The following DCAF12 variants were observed in gnomAD, a reference collection of about 807,000 sequenced individuals.
DCAF12 encodes the protein DDB1- and CUL4-associated factor 12.
DCAF12 carries 28 observed loss-of-function variants against 52.8 expected under a neutral mutation model. That is an observed-to-expected ratio of 0.53 (90% CI 0.39 to 0.73). The LOEUF (loss-of-function observed/expected upper bound fraction) is 0.73. Among genes scored for constraint, DCAF12 ranks in the 30% least tolerant of loss-of-function variants. DCAF12 has a pLI of 0.00. For synonymous variants in DCAF12, 196 were observed against 215.5 expected, an observed-to-expected ratio of 0.91 and a Z score of 0.79; for missense variants, 425 against 552.2, an observed-to-expected ratio of 0.77 and a Z score of 2.31.
At chr9:34,112,275 T>C (rs1372802946) in intron 2 of DCAF12, among the ~76,000 whole-genome samples, 1 of 152,134 alleles carries the variant, frequency 6.6e-6, no homozygotes, top group Non-Finnish European at 1.5e-5. Context: ...TTCCAATAAA[T>C]GTGAGTGGGT....
chr9:34,113,783 G>T (rs554141638), intron 2 of DCAF12, among the ~76,000 whole-genome samples: 1 of 152,140 alleles, frequency 6.6e-6, no homozygotes. Flanking sequence ...GGAATCAGCC[G>T]AAGTGTGCAT....
intron 8 of DCAF12, 144 bp downstream of exon 8, chr9:34,089,268 G>A (rs951785348): frequency 1.3e-5 from 12 of 919,220 alleles, no homozygotes; most frequent in African/African-American, 1.2e-4. Context: ...AAGCAAAATC[G>A]GGGGAAGTCT....
intron 2 of DCAF12, among the ~76,000 whole-genome samples, chr9:34,119,700 C>A (rs1315562647): frequency 1.6e-5 from 2 of 123,728 alleles, no homozygotes; most frequent in Non-Finnish European, 3.4e-5. Flanking sequence ...TGTACTTTTG[C>A]GGTTTTTTTT....
chr9:34,125,803 T>C (rs371731126), intron 1 of DCAF12: 3 of 303,194 alleles, frequency 9.9e-6, no homozygotes, highest in South Asian at 2.8e-5. Context: ...AACGGGGTAG[T>C]AGGCCCCCGG....
intron 3 of DCAF12, 76 bp from the exon 4 acceptor site, chr9:34,106,570 A>G (rs1828907805): frequency 8.2e-7 from 1 of 1,218,044 alleles, no homozygotes; most frequent in Non-Finnish European, 1.2e-6. Context: ...TAAACTCTCT[A>G]AAGAAGCATA....
chr9:34,091,639 C>CAAAA lies in DCAF12; in HGVS notation c.1024+1643_1024+1646dup, dbSNP rs34922785. Among the ~76,000 whole-genome samples the CAAAA allele has an allele frequency of 5.7e-3, 459 of 79,998 alleles. 12 individuals are homozygous for CAAAA. The highest frequency in any genetic ancestry group is 8.2e-3 in the South Asian group (15 of 1,838). 52.5% of individuals were successfully genotyped at this position (79,998 alleles called of 152,430 possible). A position where few individuals can be genotyped will look rare whatever the true frequency, so the allele number is the denominator to read the frequency against. On this transcript the variant is annotated intron_variant, in intron 7 of 8. Transcript: ENST00000361264. ...GCTGATAGAGTGAGGACCCTGTCTTCAAAAAAAAAAAAAAAAAAAAAACCA... is the reference window on the plus strand; with the variant it reads ...GCTGATAGAGTGAGGACCCTGTCTTCAAAAAAAAAAAAAAAAAAAAAAAAAACCA...
chr9:34,108,807 A>T (rs1371249052), intron 2 of DCAF12, among the ~76,000 whole-genome samples: 2,148 of 134,162 alleles, frequency 0.016, 62 homozygotes, highest in African/African-American at 0.051. Context: ...AAAAATAAAT[A>T]AATAAATATA....
At chr9:34,108,369 A>C (rs1200135612) in intron 2 of DCAF12, among the ~76,000 whole-genome samples, 1 of 152,224 alleles carries the variant, frequency 6.6e-6, no homozygotes, top group East Asian at 1.9e-4. Context: ...CTTATAGCCT[A>C]AGAGGCTGAA....
chr9:34,116,429 G>A (rs1403415026), intron 2 of DCAF12, among the ~76,000 whole-genome samples: 2 of 151,980 alleles, frequency 1.3e-5, no homozygotes, highest in Admixed American at 1.3e-4. Flanking sequence ...CCAGCACTTT[G>A]GGCGGTCAAG....
At chr9:34,094,060 A>G (rs1828695100) in intron 6 of DCAF12, among the ~76,000 whole-genome samples, 1 of 152,182 alleles carries the variant, frequency 6.6e-6, no homozygotes, top group Admixed American at 6.6e-5. Flanking sequence ...ACATGAAGGA[A>G]TCACTAATTC....
At chr9:34,116,699 C>T (rs1349984748) in intron 2 of DCAF12, among the ~76,000 whole-genome samples, 2 of 150,562 alleles carry the variant, frequency 1.3e-5, no homozygotes, top group South Asian at 2.1e-4. Flanking sequence ...TAAATAAATC[C>T]GGCCGGGCAC....
chr9:34,104,228 C>G (rs746294028), intron 4 of DCAF12, among the ~76,000 whole-genome samples: 2 of 151,722 alleles, frequency 1.3e-5, no homozygotes, highest in Non-Finnish European at 1.5e-5. Context: ...TGCACTCCAG[C>G]CTGGGCGACA....
intron 1 of DCAF12, 124 bp downstream of exon 1, chr9:34,126,230 C>T: frequency 3.3e-6 from 4 of 1,228,896 alleles, no homozygotes; most frequent in Non-Finnish European, 3.5e-6. Flanking sequence ...AGGCCCTGAA[C>T]CCATTCCTGT....
Position 34,125,233 on chromosome 9 carries a change from A to G in DCAF12, c.123T>C (p.Pro41=). Residue 41 remains proline, a synonymous_variant, in exon 2 of 9, where the codon CCT becomes CCC. Coordinates refer to ENST00000361264, the MANE Select transcript of DCAF12 (RefSeq NM_015397.4). ...AGTAGTATACTAAGGATCTCTTCAC[A>G]GGAGGAAGTCTTTTCCTTTTGTGAA... ...HSLHKRKRLP[P]VKRSLVYYLK... is the part of the protein sequence containing the mutation. The G allele has an allele frequency of 6.2e-7, 1 of 1,614,196 alleles. No homozygotes were observed. Among genetic ancestry groups the G allele is most frequent in the Non-Finnish European group, 8.5e-7 (1 of 1,180,048 alleles).
In DCAF12 at chr9:34,098,494, G is replaced by C. The variant is rs1828775087; in HGVS notation, c.625C>G (p.Leu209Val). The change falls in exon 5 of 9, where the codon CTC becomes GTC. Residue 209 changes from leucine (L) to valine (V), a missense_variant. By Grantham distance (32) the Leu-to-Val change is conservative. Transcript: ENST00000361264. ...AAAACATCATCTGTCACCTCCCAGAGTCCCATAGAACCATCACGTGAGCCT... is the reference window on the plus strand; with the variant it reads ...AAAACATCATCTGTCACCTCCCAGACTCCCATAGAACCATCACGTGAGCCT... ...VSGSRDGSMG[L>V]WEVTDDVLTK... 6.2e-7 allele frequency: 1 copy of C among 1,613,808 alleles called. No homozygotes were observed. The highest frequency in any genetic ancestry group is 1.1e-5 in the South Asian group (1 of 91,048).
At chr9:34,095,372 C>CT (rs36066422) in intron 6 of DCAF12, among the ~76,000 whole-genome samples, 15,853 of 77,716 alleles carry the variant, frequency 0.2, 4,427 homozygotes, top group Non-Finnish European at 0.25. Context: ...CGCGCCAGGC[C>CT]TTTTTTTTTT....
At chr9:34,123,061 G>A (rs1335340367) in intron 2 of DCAF12, among the ~76,000 whole-genome samples, 3 of 152,150 alleles carry the variant, frequency 2.0e-5, no homozygotes, top group Admixed American at 6.6e-5. Flanking sequence ...TGACTTTATT[G>A]TTATTAATGA....
At chr9:34,120,567 G>T (rs1299732848) in intron 2 of DCAF12, among the ~76,000 whole-genome samples, 2 of 151,198 alleles carry the variant, frequency 1.3e-5, no homozygotes, top group Non-Finnish European at 2.9e-5. Flanking sequence ...GCTAGTCGGG[G>T]GGCTGAGGCA....
Position 34,088,481 on chromosome 9 carries a change from A to T in DCAF12, c.1231T>A (p.Phe411Ile). 1 of 1,614,216 alleles carries T rather than the reference A, an allele frequency of 6.2e-7. No homozygotes were observed. Among genetic ancestry groups the T allele is most frequent in the Non-Finnish European group, 8.5e-7 (1 of 1,180,036 alleles). The part of the protein sequence containing the change: ...LNHDETWRNY[F>I]SDIDFFPNAV... ...TTGGGGAAGAAGTCAATGTCTGAAA[A>T]GTAATTCCTCCAGGTTTCATCATGA... is the stretch of plus-strand genomic sequence containing the variant. The change falls in exon 9 of 9, where the codon TTT (phenylalanine) becomes ATT (isoleucine). Residue 411 changes from phenylalanine (F) to isoleucine (I), a missense_variant. This residue lies in a region of DCAF12 where 328 missense variants were observed against 444.4 expected (regional missense o/e 0.74). Coordinates refer to ENST00000361264, the MANE Select transcript of DCAF12 (RefSeq NM_015397.4).
Sources: gnomAD v4.1 joint callset for allele counts (sites outside exome capture counted in the v4.1 genomes callset) on GRCh38, gnomAD v4.1.1 for gene constraint, gnomAD v4.1.1 regional missense constraint, MANE v1.5 for transcripts, NCBI Gene and HGNC (gene_info 2026-07-23, HGNC 2026-07-21) for gene names.